KANSL1: variants seen among roughly 807,000 people sequenced by gnomAD.
KANSL1 encodes the protein KAT8 regulatory NSL complex subunit 1.
In KANSL1, 22 loss-of-function variants were observed where a neutral mutation model predicts 103.6. The observed-to-expected ratio is 0.21, with a 90% CI of 0.15 to 0.30. KANSL1 has a LOEUF of 0.30. KANSL1 is among the 10% of genes least tolerant of loss of function. The probability of loss-of-function intolerance (pLI) is 1.00; values close to 1 mark genes in which losing one functional copy is unlikely to be tolerated. For missense variants in KANSL1, 1,337 were observed against 1,399.8 expected (o/e 0.96, Z 0.72); for synonymous variants, 600 against 527.6 (o/e 1.14, Z -1.88).
At chr17:46,211,696 C>G (rs1286046134) in intron 1 of KANSL1, among the ~76,000 whole-genome samples, 1 of 152,200 alleles carries the variant, frequency 6.6e-6, no homozygotes, top group Non-Finnish European at 1.5e-5. Flanking sequence ...AACATGAAAG[C>G]AAAGGGGCAA....
At chr17:46,176,057 T>G (rs1046048799) in intron 1 of KANSL1, among the ~76,000 whole-genome samples, 2 of 152,210 alleles carry the variant, frequency 1.3e-5, no homozygotes, top group East Asian at 1.9e-4. Context: ...AATGTCAATA[T>G]GTAGTTGATA....
chr17:46,177,824 C>T (rs1167721190), intron 1 of KANSL1, among the ~76,000 whole-genome samples: 5 of 151,998 alleles, frequency 3.3e-5, no homozygotes, highest in Admixed American at 3.3e-4. Flanking sequence ...GTCACCCAGG[C>T]TGGAGAGCAG....
intron 1 of KANSL1, among the ~76,000 whole-genome samples, chr17:46,200,999 C>T (rs552382938): frequency 6.6e-6 from 1 of 152,190 alleles, no homozygotes; most frequent in South Asian, 2.1e-4. Flanking sequence ...GCAACCTCCA[C>T]CTCCTGGGTT....
intron 1 of KANSL1, among the ~76,000 whole-genome samples, chr17:46,185,358 G>A (rs2046972290): frequency 6.6e-6 from 1 of 152,192 alleles, no homozygotes; most frequent in Non-Finnish European, 1.5e-5. Flanking sequence ...CCCACTACAA[G>A]TTCCAGTTAT....
At chr17:46,159,455 A>G (rs977723083) in intron 2 of KANSL1, among the ~76,000 whole-genome samples, 4 of 152,266 alleles carry the variant, frequency 2.6e-5, no homozygotes, top group African/African-American at 9.6e-5. Flanking sequence ...CAATAAAAAT[A>G]ACATGTGAAA....
chr17:46,138,320 A>C (rs992070567), intron 2 of KANSL1, among the ~76,000 whole-genome samples: 15 of 152,252 alleles, frequency 9.9e-5, no homozygotes, highest in African/African-American at 3.6e-4. Context: ...TATTTAAAAA[A>C]CAATGTCTGT....
intron 2 of KANSL1, among the ~76,000 whole-genome samples, chr17:46,165,095 A>C (rs1419336265): frequency 6.6e-6 from 1 of 152,262 alleles, no homozygotes; most frequent in Non-Finnish European, 1.5e-5. Context: ...TGACAGAACA[A>C]GACTCTCTCT....
intron 2 of KANSL1, among the ~76,000 whole-genome samples, chr17:46,162,544 G>C (rs2045795633): frequency 6.6e-6 from 1 of 152,118 alleles, no homozygotes; most frequent in Non-Finnish European, 1.5e-5. Context: ...CAAAAATCTG[G>C]GAATCACCCA....
intron 2 of KANSL1, among the ~76,000 whole-genome samples, chr17:46,117,916 TTTTG>T (rs2043114427): frequency 1.3e-5 from 2 of 152,238 alleles, no homozygotes; most frequent in African/African-American, 4.8e-5. Flanking sequence ...AGAATGTCTT[TTTTG>T]TTTATTAAAT....
intron 1 of KANSL1, among the ~76,000 whole-genome samples, chr17:46,181,460 G>A (rs1028564613): frequency 2.1e-4 from 31 of 150,576 alleles, no homozygotes; most frequent in South Asian, 1.0e-3. Context: ...ACAAAGTCTC[G>A]CTCTTGTCCC....
chr17:46,117,006 A>G lies in KANSL1; in HGVS notation c.1290-22305T>C, dbSNP rs139739323. ...AAGTTACATTTATTACAAGTGAAGA[A>G]AAAAATTTTTATGAGGGAATGTTTT... On this transcript the variant is annotated intron_variant, in intron 2 of 14. Coordinates refer to ENST00000432791, the MANE Select transcript of KANSL1 (RefSeq NM_015443.4). 1.6e-3 allele frequency among the ~76,000 whole-genome samples: 240 copies of G among 152,336 alleles called. 1 individual carries two copies. Among genetic ancestry groups the G allele is most frequent in the African/African-American group, 5.4e-3 (226 of 41,560 alleles).
At chr17:46,078,878 G>A (rs1285929159) in intron 4 of KANSL1, among the ~76,000 whole-genome samples, 1 of 152,102 alleles carries the variant, frequency 6.6e-6, no homozygotes, top group Non-Finnish European at 1.5e-5. Context: ...CACCCTCTTT[G>A]TTCAAAAGGA....
intron 1 of KANSL1, among the ~76,000 whole-genome samples, chr17:46,186,520 C>T (rs1017287822): frequency 6.6e-6 from 1 of 152,072 alleles, no homozygotes; most frequent in African/African-American, 2.4e-5. Flanking sequence ...TACATTTTTC[C>T]AATGCCAATA....
intron 1 of KANSL1, among the ~76,000 whole-genome samples, chr17:46,216,044 G>GTAA (rs532639310): frequency 5.1e-4 from 77 of 151,516 alleles, no homozygotes; most frequent in African/African-American, 1.7e-3. Flanking sequence ...CGTCTCAATA[G>GTAA]TAATAATAAT....
intron 2 of KANSL1, among the ~76,000 whole-genome samples, chr17:46,153,772 A>G (rs951768995): frequency 2.6e-5 from 4 of 152,250 alleles, no homozygotes; most frequent in Non-Finnish European, 5.9e-5. Flanking sequence ...TACAAAGAAG[A>G]GAGAGAAACT....
intron 1 of KANSL1, among the ~76,000 whole-genome samples, chr17:46,189,830 C>G (rs919066770): frequency 6.7e-6 from 1 of 149,280 alleles, no homozygotes; most frequent in African/African-American, 2.5e-5. Context: ...TCGCTTGAAC[C>G]TGGGAGGCGG....
At chr17:46,135,756 G>C (rs1476756928) in intron 2 of KANSL1, among the ~76,000 whole-genome samples, 1 of 137,400 alleles carries the variant, frequency 7.3e-6, no homozygotes, top group African/African-American at 2.8e-5. Flanking sequence ...TGCCCAGGCT[G>C]GTCTCAACCT....
intron 2 of KANSL1, among the ~76,000 whole-genome samples, chr17:46,151,661 T>A (rs1453254225): frequency 4.6e-5 from 7 of 152,380 alleles, no homozygotes; most frequent in African/African-American, 1.4e-4. Flanking sequence ...ACTGAGTACT[T>A]GATACATATT....
At chr17:46,113,660 G>A (rs1598652429) in intron 2 of KANSL1, among the ~76,000 whole-genome samples, 1 of 151,824 alleles carries the variant, frequency 6.6e-6, no homozygotes. Flanking sequence ...AAAAACCTAC[G>A]AGGCACTTTC....
Sources: gnomAD v4.1 joint callset for allele counts (sites outside exome capture counted in the v4.1 genomes callset) on GRCh38, gnomAD v4.1.1 for gene constraint, MANE v1.5 for transcripts, NCBI Gene and HGNC (gene_info 2026-07-23, HGNC 2026-07-21) for gene names.